Variants in TRHDE observed in about 807,000 individuals in gnomAD.
The protein encoded by TRHDE is thyrotropin releasing hormone degrading enzyme.
In TRHDE, 72 loss-of-function variants were observed where a neutral mutation model predicts 125.7. That is an observed-to-expected ratio of 0.57 (90% CI 0.47 to 0.70). The LOEUF (loss-of-function observed/expected upper bound fraction) is 0.70, where lower values mean the gene tolerates loss of function less well. Among genes scored for constraint, TRHDE ranks in the 30% least tolerant of loss-of-function variants. TRHDE has a pLI of 0.00. For synonymous variants in TRHDE, 509 were observed against 509.1 expected, an observed-to-expected ratio of 1.00 and a Z score of 0.00; for missense variants, 1,110 against 1,327.1, an observed-to-expected ratio of 0.84 and a Z score of 2.54.
At chr12:72,212,651 C>G (rs773446960) in intron 2 of TRHDE, among the ~76,000 whole-genome samples, 8 of 152,042 alleles carry the variant, frequency 5.3e-5, no homozygotes, top group Non-Finnish European at 1.2e-4. Flanking sequence ...TTAAAATCCA[C>G]TAGGATGGTT....
At chr12:72,536,706 C>A (rs1462395294) in intron 6 of TRHDE, among the ~76,000 whole-genome samples, 1 of 151,988 alleles carries the variant, frequency 6.6e-6, no homozygotes. Flanking sequence ...TCACTATTTT[C>A]AATTTTGCTA....
At chr12:72,466,804 G>A (rs1049203558) in intron 3 of TRHDE, among the ~76,000 whole-genome samples, 6 of 152,088 alleles carry the variant, frequency 3.9e-5, no homozygotes, top group Non-Finnish European at 5.9e-5. Context: ...GGGCTGCCTT[G>A]ACCACACCAC....
At chr12:72,369,959 T>C (rs2135762193) in intron 2 of TRHDE, among the ~76,000 whole-genome samples, 1 of 152,294 alleles carries the variant, frequency 6.6e-6, no homozygotes, top group South Asian at 2.1e-4. Flanking sequence ...TATGATTAAG[T>C]AGGACCTAGT....
intron 6 of TRHDE, among the ~76,000 whole-genome samples, chr12:72,528,492 T>G (rs1165743721): frequency 6.6e-6 from 1 of 152,210 alleles, no homozygotes; most frequent in Non-Finnish European, 1.5e-5. Flanking sequence ...ATATTTAGAT[T>G]TTTTACAAAC....
chr12:72,355,438 A>T (rs1870771767), intron 2 of TRHDE, among the ~76,000 whole-genome samples: 1 of 151,578 alleles, frequency 6.6e-6, no homozygotes. Context: ...CCTTCTAAAA[A>T]GAACCTTCAA....
intron 2 of TRHDE, among the ~76,000 whole-genome samples, chr12:72,150,014 T>C (rs1390631793): frequency 6.6e-6 from 1 of 152,156 alleles, no homozygotes; most frequent in Non-Finnish European, 1.5e-5. Context: ...CACTAATTAA[T>C]GCAATAAATT....
chr12:72,604,238 A>G (rs893340072), intron 12 of TRHDE, among the ~76,000 whole-genome samples: 1 of 152,192 alleles, frequency 6.6e-6, no homozygotes, highest in African/African-American at 2.4e-5. Flanking sequence ...ACAAATCCGT[A>G]GGAAAAAATA....
At chr12:72,341,841 A>G (rs1056400838) in intron 2 of TRHDE, among the ~76,000 whole-genome samples, 3 of 152,174 alleles carry the variant, frequency 2.0e-5, no homozygotes, top group Non-Finnish European at 4.4e-5. Context: ...TTATAAAGAC[A>G]GTTCTAAAAG....
At chr12:72,637,420 G>A (rs1473458456) in intron 15 of TRHDE, among the ~76,000 whole-genome samples, 1 of 152,022 alleles carries the variant, frequency 6.6e-6, no homozygotes, top group East Asian at 1.9e-4. Context: ...CTTGCTAGCG[G>A]TCTATCAATT....
chr12:72,302,097 G>A (rs1679423754), intron 2 of TRHDE, among the ~76,000 whole-genome samples: 1 of 152,140 alleles, frequency 6.6e-6, no homozygotes, highest in African/African-American at 2.4e-5. Context: ...GTTCATTTAT[G>A]ATTCTGTTAC....
chr12:72,551,704 G>A (rs902896610), intron 7 of TRHDE, among the ~76,000 whole-genome samples: 12 of 152,026 alleles, frequency 7.9e-5, no homozygotes, highest in Admixed American at 6.6e-4. Flanking sequence ...TATGGTCCCT[G>A]TTCTCATGTA....
intron 7 of TRHDE, among the ~76,000 whole-genome samples, chr12:72,552,641 G>C (rs1325815616): frequency 2.6e-5 from 4 of 152,192 alleles, no homozygotes; most frequent in African/African-American, 9.6e-5. Flanking sequence ...ACAAGGTGGA[G>C]AAGGGTAACG....
intron 12 of TRHDE, among the ~76,000 whole-genome samples, chr12:72,578,584 C>G (rs531699655): frequency 6.6e-6 from 1 of 152,264 alleles, no homozygotes; most frequent in East Asian, 1.9e-4. Flanking sequence ...ACTTACTTTT[C>G]TGGTTTCCTG....
At chr12:72,520,172 G>A (rs1427680132) in intron 6 of TRHDE, among the ~76,000 whole-genome samples, 2 of 152,226 alleles carry the variant, frequency 1.3e-5, no homozygotes, top group South Asian at 2.1e-4. Flanking sequence ...GCTCCACCCA[G>A]TTCCAGCTTC....
At chr12:72,402,594 C>T (rs559464029) in intron 3 of TRHDE, among the ~76,000 whole-genome samples, 1 of 152,164 alleles carries the variant, frequency 6.6e-6, no homozygotes, top group East Asian at 1.9e-4. Context: ...AATCAGGGCC[C>T]ACCCTAATGA....
chr12:72,168,710 G>A (rs1251836381), intron 2 of TRHDE, among the ~76,000 whole-genome samples: 1 of 152,100 alleles, frequency 6.6e-6, no homozygotes, highest in African/African-American at 2.4e-5. Context: ...AGATATTAGT[G>A]AAATTTTTTT....
intron 2 of TRHDE, among the ~76,000 whole-genome samples, chr12:72,112,239 C>T (rs1278217716): frequency 1.3e-5 from 2 of 152,106 alleles, no homozygotes; most frequent in African/African-American, 4.8e-5. Flanking sequence ...CTGTTCAGCA[C>T]TGACATAAAG....
chr12:72,620,854 C>T (rs1223515603), intron 13 of TRHDE, among the ~76,000 whole-genome samples: 1 of 152,018 alleles, frequency 6.6e-6, no homozygotes, highest in Non-Finnish European at 1.5e-5. Flanking sequence ...AAAATATTTA[C>T]TCATGCAAAT....
intron 2 of TRHDE, among the ~76,000 whole-genome samples, chr12:72,115,017 C>A (rs1015661829): frequency 3.3e-5 from 5 of 151,978 alleles, no homozygotes; most frequent in Admixed American, 2.0e-4. Context: ...TATTTTGATA[C>A]AGGCATACAA....
Sources: allele counts gnomAD v4.1 joint callset (sites outside exome capture counted in the v4.1 genomes callset), GRCh38; gene constraint gnomAD v4.1.1; transcripts MANE v1.5; gene names NCBI Gene and HGNC (gene_info 2026-07-23, HGNC 2026-07-21).